Variants in PRRC2B observed in about 807,000 individuals in gnomAD.
PRRC2B encodes the protein proline rich coiled-coil 2B, also known as protein PRRC2B.
A neutral mutation model predicts 242.3 loss-of-function variants in PRRC2B; 68 were observed. The observed-to-expected ratio is 0.28, with a 90% CI of 0.23 to 0.34. The LOEUF is 0.34. PRRC2B is among the 10% of genes least tolerant of loss of function. PRRC2B has a pLI of 1.00. For synonymous variants in PRRC2B, 1,228 were observed against 1,173.6 expected (o/e 1.05, Z -0.95); for missense variants, 2,835 against 2,954.8 (o/e 0.96, Z 0.94).
intron 1 of PRRC2B, among the ~76,000 whole-genome samples, chr9:131,382,892 G>A (rs1344267053): frequency 2.6e-5 from 4 of 152,020 alleles, no homozygotes; most frequent in South Asian, 2.1e-4. Context: ...TGATCCGCCC[G>A]CCTTGGCTTC....
In PRRC2B at chr9:131,447,730, G is replaced by A. The variant is rs778699343; in HGVS notation, c.1046G>A (p.Arg349Gln). The change falls in exon 9 of 32, where the codon CGG becomes CAG. Residue 349 changes from arginine to glutamine, a missense_variant. Around this residue, in one of 7 missense-constraint regions of PRRC2B, gnomAD observed 626 missense variants for 685.5 expected, o/e 0.91. Transcript: ENST00000683519. ...PLRQLVERAPRPTIINAENLK... is the reference protein window; with the variant it reads ...PLRQLVERAPQPTIINAENLK... ...AGGCAGCTGGTGGAGCGGGCACCAC[G>A]GCCCACCATTATCAATGCGGAAAAC... The A allele has an allele frequency of 4.3e-6, 7 of 1,613,600 alleles. No individual in the cohort carries two copies. Among genetic ancestry groups the A allele is most frequent in the East Asian group, 2.2e-5 (1 of 44,886 alleles).
intron 3 of PRRC2B, 140 bp from the exon 4 acceptor site, chr9:131,436,477 TCTA>T: frequency 1.7e-6 from 1 of 581,854 alleles, no homozygotes; most frequent in Non-Finnish European, 3.0e-6. Flanking sequence ...AGCATAAGAA[TCTA>T]CTGGGGAAAG....
At chr9:131,423,263 G>A (rs1837893055) in intron 1 of PRRC2B, among the ~76,000 whole-genome samples, 2 of 152,218 alleles carry the variant, frequency 1.3e-5, no homozygotes, top group Non-Finnish European at 2.9e-5. Context: ...AGAGCTGGAT[G>A]GAAATGCCTC....
In PRRC2B at chr9:131,436,700, C is replaced by G; in HGVS notation, c.374C>G (p.Pro125Arg). The G allele has an allele frequency of 6.2e-7, 1 of 1,613,960 alleles. No individual in the cohort carries two copies. Among genetic ancestry groups the G allele is most frequent in the Non-Finnish European group, 8.5e-7 (1 of 1,179,850 alleles). Residue 125 changes from proline to arginine, a missense_variant, in exon 4 of 32, where the codon CCG becomes CGG. Pro to Arg is a moderately radical substitution (Grantham distance 103). Transcript: ENST00000683519. ...LQKSVSNLQKPTQSISQENTN... is the reference protein window; with the variant it reads ...LQKSVSNLQKRTQSISQENTN... ...AAATCTGTCTCCAATTTGCAGAAAC[C>G]GACACAGTCAATCAGTCAGGAGGTA...
Position 131,447,004 on chromosome 9 carries a change from T to C in PRRC2B, c.856-81T>C, listed in dbSNP as rs1276890460. On this transcript the variant is annotated intron_variant, in intron 7 of 31. Transcript: ENST00000683519. ...TGTTTCTTTTTCCCATTTTCCACTTTATAAAACACATTCTGATTTAAGTGG... is the reference window on the plus strand; with the variant it reads ...TGTTTCTTTTTCCCATTTTCCACTTCATAAAACACATTCTGATTTAAGTGG... The C allele has an allele frequency of 6.4e-6, 10 of 1,573,066 alleles. No homozygotes were observed. In the African/African-American group the frequency reaches 6.8e-5, roughly 11 times the overall value.
chr9:131,461,756 A>G (rs540278208), intron 11 of PRRC2B, among the ~76,000 whole-genome samples: 92 of 152,110 alleles, frequency 6.0e-4, no homozygotes, highest in Non-Finnish European at 1.2e-3. Context: ...GGCCAGGCTG[A>G]TCTACCCTGA....
At chr9:131,461,935 T>C (rs1364503893) in intron 11 of PRRC2B, among the ~76,000 whole-genome samples, 2 of 152,246 alleles carry the variant, frequency 1.3e-5, no homozygotes, top group African/African-American at 4.8e-5. Flanking sequence ...CACATACATA[T>C]GTGCTGGGTA....
Position 131,442,490 on chromosome 9 carries a change from A to C in PRRC2B, c.470-1695A>C, listed in dbSNP as rs184494002. On this transcript the variant is annotated intron_variant, in intron 5 of 31. Transcript: ENST00000683519. ...ACTTAGAGTCCATCTCTGGCTGGTCATTGGTGAATGGTGTCCAGTCTTACC... is the reference window on the plus strand; with the variant it reads ...ACTTAGAGTCCATCTCTGGCTGGTCCTTGGTGAATGGTGTCCAGTCTTACC... 2.2e-4 allele frequency among the ~76,000 whole-genome samples: 33 copies of C among 152,282 alleles called. No individual in the cohort carries two copies. The East Asian group carries it at 5.8e-3, about 27-fold the overall frequency.
At chr9:131,433,279 T>C (rs1838238881) in intron 3 of PRRC2B, among the ~76,000 whole-genome samples, 1 of 152,214 alleles carries the variant, frequency 6.6e-6, no homozygotes, top group South Asian at 2.1e-4. Context: ...ACTTCTGCTG[T>C]TGCTCTAAAC....
rs778023193 is a variant in PRRC2B at position 131,487,358 on chromosome 9, G to A, written c.5984+64G>A. ...AGCCAGGGCCTTGGCCCTGTGTGCA[G>A]CCTTCGTCCTGCAGCTGTTTGGTGC... On this transcript the variant is annotated intron_variant, in intron 27 of 31. Coordinates refer to ENST00000683519, the MANE Select transcript of PRRC2B (RefSeq NM_013318.4). This position sits in a 1 kb window ranked among gnomAD's most constrained non-coding sequence, Gnocchi z 5.3. 714 of 1,457,024 alleles carry A rather than the reference G, an allele frequency of 4.9e-4. No individual in the cohort carries two copies. The highest frequency in any genetic ancestry group is 6.2e-4 in the Non-Finnish European group (672 of 1,092,668). The allele number at this position is 1,457,024 out of a possible 1,614,324, so 90.3% of individuals were successfully genotyped here. A position where few individuals can be genotyped will look rare whatever the true frequency, so the allele number is the denominator to read the frequency against.
At chr9:131,394,593 G>A (rs1246903189) in intron 1 of PRRC2B, among the ~76,000 whole-genome samples, 1 of 151,036 alleles carries the variant, frequency 6.6e-6, no homozygotes, top group Non-Finnish European at 1.5e-5. Context: ...GTACCCCCGA[G>A]GCCGGGCCGG....
intron 11 of PRRC2B, among the ~76,000 whole-genome samples, chr9:131,461,462 G>A (rs1943239475): frequency 1.3e-5 from 2 of 152,218 alleles, no homozygotes; most frequent in African/African-American, 4.8e-5. Flanking sequence ...GACTGTTGAG[G>A]AGTGGGAGGG....
At chr9:131,422,304 T>TG (rs1405393762) in intron 1 of PRRC2B, among the ~76,000 whole-genome samples, 1 of 152,178 alleles carries the variant, frequency 6.6e-6, no homozygotes, top group East Asian at 1.9e-4. Flanking sequence ...CCACCCACCT[T>TG]GGCCTCCCAA....
intron 11 of PRRC2B, among the ~76,000 whole-genome samples, chr9:131,461,893 GTCT>G (rs1307618910): frequency 1.3e-5 from 2 of 152,198 alleles, no homozygotes; most frequent in African/African-American, 4.8e-5. Flanking sequence ...CTCAGCTACA[GTCT>G]TCTTATTGAA....
intron 1 of PRRC2B, among the ~76,000 whole-genome samples, chr9:131,377,728 G>A (rs1247780932): frequency 1.3e-5 from 2 of 152,190 alleles, no homozygotes; most frequent in South Asian, 2.1e-4. Flanking sequence ...TCATTCTGCC[G>A]CTTTCTCCTC....
chr9:131,487,994 C>T lies in PRRC2B; in HGVS notation c.6123C>T (p.Pro2041=), dbSNP rs1944074713. The change falls in exon 28 of 32, where the codon CCC becomes CCT. Residue 2041 remains proline, a synonymous_variant. Transcript: ENST00000683519. This position sits in a 1 kb window ranked among gnomAD's most constrained non-coding sequence, Gnocchi z 5.3. ...LEMVKPQSGS[P]YQPMSGNQAL... is the part of the protein sequence containing the mutation. Reference sequence around the variant, plus strand: ...TGGTGAAGCCGCAGTCTGGCTCACCCTACCAGCCCATGAGCGGGAACCAAG... The same window carrying T: ...TGGTGAAGCCGCAGTCTGGCTCACCTTACCAGCCCATGAGCGGGAACCAAG... 6.2e-7 allele frequency: 1 copy of T among 1,612,148 alleles called. No individual in the cohort carries two copies. The highest frequency in any genetic ancestry group is 1.3e-5 in the African/African-American group (1 of 74,892).
rs1230672056 is a variant in PRRC2B at position 131,495,736 on chromosome 9, A to G, written c.6556-4A>G. ...CTTTGTTTTTCCCATTCATCTGTCC[A>G]AAGGCAAAACAACGAGTGGATGAGA... is the stretch of plus-strand genomic sequence containing the variant. On this transcript the variant is annotated splice_region_variant and splice_polypyrimidine_tract_variant and intron_variant, in intron 31 of 31. Coordinates refer to ENST00000683519, the MANE Select transcript of PRRC2B (RefSeq NM_013318.4). 6.2e-7 allele frequency: 1 copy of G among 1,608,624 alleles called. No individual in the cohort carries two copies. Among genetic ancestry groups the G allele is most frequent in the Non-Finnish European group, 8.5e-7 (1 of 1,175,536 alleles).
At chr9:131,455,194 A>T (rs776598861) in intron 10 of PRRC2B, 28 bp downstream of exon 10, 12 of 1,487,014 alleles carry the variant, frequency 8.1e-6, no homozygotes, top group Non-Finnish European at 1.1e-5. Context: ...CCCTATCAGC[A>T]TGAGTGCATC....
chr9:131,483,985 C>T (rs554299303), intron 23 of PRRC2B, among the ~76,000 whole-genome samples: 5 of 152,284 alleles, frequency 3.3e-5, no homozygotes, highest in South Asian at 2.1e-4. Context: ...GCTGAATGAA[C>T]GAGTATCATT....
Sources: allele counts gnomAD v4.1 joint callset (sites outside exome capture counted in the v4.1 genomes callset), GRCh38; gene constraint gnomAD v4.1.1; regional missense constraint gnomAD v4.1.1; non-coding constraint Gnocchi (gnomAD v3.1); transcripts MANE v1.5; gene names NCBI Gene and HGNC (gene_info 2026-07-23, HGNC 2026-07-21).